The following GRIK1 variants were observed in gnomAD, a reference collection of about 807,000 sequenced individuals.
GRIK1 encodes glutamate receptor ionotropic, kainate 1.
A neutral mutation model predicts 105.7 loss-of-function variants in GRIK1; 69 were observed. The ratio of observed to expected loss-of-function variants is 0.65; its 90% CI spans 0.54 to 0.80. GRIK1 has a LOEUF of 0.80. Ranked by LOEUF, GRIK1 falls within the 30% of genes least tolerant of loss-of-function variation. GRIK1 has a pLI of 0.00. For missense variants in GRIK1, 1,109 were observed against 1,167.3 expected (o/e 0.95, Z 0.73); for synonymous variants, 438 against 431.3 (o/e 1.02, Z -0.19).
chr21:29,862,965 C>T (rs1266795955), intron 1 of GRIK1, among the ~76,000 whole-genome samples: 2 of 152,146 alleles, frequency 1.3e-5, no homozygotes, highest in African/African-American at 2.4e-5. Flanking sequence ...TGATGGACAA[C>T]TGTATAAAGA....
At chr21:29,616,579 T>C (rs1368379964) in intron 7 of GRIK1, among the ~76,000 whole-genome samples, 3 of 152,234 alleles carry the variant, frequency 2.0e-5, no homozygotes, top group Admixed American at 6.5e-5. Flanking sequence ...TCAAATACTT[T>C]TCAGCATTTA....
At chr21:29,924,194 C>T (rs528891629) in intron 1 of GRIK1, among the ~76,000 whole-genome samples, 1 of 151,796 alleles carries the variant, frequency 6.6e-6, no homozygotes, top group African/African-American at 2.4e-5. Flanking sequence ...AAAAATTAGC[C>T]AGGCGTGGTG....
At chr21:29,777,584 C>G (rs141672961) in intron 1 of GRIK1, among the ~76,000 whole-genome samples, 1 of 152,102 alleles carries the variant, frequency 6.6e-6, no homozygotes, top group African/African-American at 2.4e-5. Context: ...GTGTTTGGAG[C>G]ATAGAGTGTT....
At position 29,850,167 on chromosome 21, in the gene GRIK1, A is replaced by T. The variant is rs574710128; in HGVS notation, c.118+89216T>A. 7.2e-5 allele frequency among the ~76,000 whole-genome samples: 11 copies of T among 152,318 alleles called. No homozygotes were observed. In the East Asian group the frequency reaches 1.7e-3, roughly 24 times the overall value. ...TAACATTTGCTGACAGAAGATCCTT[A>T]AAAACTATCTCAAATATTTGTTATC... On this transcript the variant is annotated intron_variant, in intron 1 of 17. Coordinates refer to ENST00000327783, the MANE Select transcript of GRIK1 (RefSeq NM_001330994.2).
intron 16 of GRIK1, chr21:29,553,734 A>T: frequency 1.4e-6 from 2 of 1,450,306 alleles, no homozygotes; most frequent in Non-Finnish European, 1.9e-6. Flanking sequence ...AGAAAAAAAT[A>T]TAGAAAAATG....
intron 1 of GRIK1, among the ~76,000 whole-genome samples, chr21:29,811,652 G>A (rs949687179): frequency 1.3e-5 from 2 of 152,162 alleles, no homozygotes; most frequent in Admixed American, 1.3e-4. Context: ...TGTCATGCCA[G>A]TGCTGAACTG....
intron 1 of GRIK1, among the ~76,000 whole-genome samples, chr21:29,760,869 A>G (rs1023891735): frequency 2.0e-5 from 3 of 152,180 alleles, no homozygotes; most frequent in African/African-American, 7.2e-5. Context: ...CAAGATTCAA[A>G]TTTCTCTTAG....
At chr21:29,851,826 T>C (rs551040075) in intron 1 of GRIK1, among the ~76,000 whole-genome samples, 30 of 152,116 alleles carry the variant, frequency 2.0e-4, no homozygotes, top group Non-Finnish European at 4.0e-4. Context: ...AATCTTGATG[T>C]CACCCCTTGG....
intron 1 of GRIK1, among the ~76,000 whole-genome samples, chr21:29,856,483 A>G (rs1166497468): frequency 6.6e-6 from 1 of 152,200 alleles, no homozygotes; most frequent in African/African-American, 2.4e-5. Flanking sequence ...TACCTGTGAA[A>G]TAAAAAGCCA....
chr21:29,929,824 C>T (rs1340738764), intron 1 of GRIK1, among the ~76,000 whole-genome samples: 1 of 152,080 alleles, frequency 6.6e-6, no homozygotes, highest in Non-Finnish European at 1.5e-5. Flanking sequence ...AGGTATATAT[C>T]CAAGGGAATT....
At chr21:29,598,636 C>G (rs939533498) in intron 8 of GRIK1, among the ~76,000 whole-genome samples, 194 bp downstream of exon 8, 1 of 152,218 alleles carries the variant, frequency 6.6e-6, no homozygotes, top group Admixed American at 6.5e-5. Flanking sequence ...ACTGCTATTA[C>G]TAAGACATGA....
chr21:29,891,371 G>A (rs2069892252), intron 1 of GRIK1, among the ~76,000 whole-genome samples: 1 of 152,194 alleles, frequency 6.6e-6, no homozygotes, highest in African/African-American at 2.4e-5. Flanking sequence ...TATACCCTGT[G>A]TAGGAAGGCA....
At chr21:29,605,987 T>G (rs974351636) in intron 7 of GRIK1, among the ~76,000 whole-genome samples, 1 of 148,060 alleles carries the variant, frequency 6.8e-6, no homozygotes, top group Non-Finnish European at 1.5e-5. Context: ...TTCTATTTTT[T>G]AATAAAACTT....
At chr21:29,815,628 T>C (rs1161833591) in intron 1 of GRIK1, among the ~76,000 whole-genome samples, 1 of 152,136 alleles carries the variant, frequency 6.6e-6, no homozygotes, top group Non-Finnish European at 1.5e-5. Flanking sequence ...AATACTATTA[T>C]TAAAAGAGCT....
chr21:29,775,599 A>T (rs969829954), intron 1 of GRIK1, among the ~76,000 whole-genome samples: 1 of 152,152 alleles, frequency 6.6e-6, no homozygotes, highest in Non-Finnish European at 1.5e-5. Context: ...CAGAAAGGAA[A>T]AAAAGGGCAA....
intron 1 of GRIK1, among the ~76,000 whole-genome samples, chr21:29,721,741 G>A (rs1282252604): frequency 6.6e-6 from 1 of 152,186 alleles, no homozygotes; most frequent in Non-Finnish European, 1.5e-5. Context: ...ATCTCTGACT[G>A]CAGTGAGAAA....
intron 1 of GRIK1, among the ~76,000 whole-genome samples, chr21:29,847,992 CTTAA>C (rs1200456108): frequency 6.6e-6 from 1 of 151,756 alleles, no homozygotes; most frequent in African/African-American, 2.4e-5. Flanking sequence ...TTTACTTAGC[CTTAA>C]TTAACTAGTA....
At chr21:29,768,687 G>A (rs536627732) in intron 1 of GRIK1, among the ~76,000 whole-genome samples, 26 of 152,314 alleles carry the variant, frequency 1.7e-4, no homozygotes, top group African/African-American at 5.1e-4. Flanking sequence ...GGAGGAGCCC[G>A]GGGAGGAAGA....
intron 1 of GRIK1, among the ~76,000 whole-genome samples, chr21:29,762,657 T>C (rs941185020): frequency 7.3e-5 from 11 of 150,452 alleles, no homozygotes; most frequent in Admixed American, 6.6e-5. Context: ...TGGCAACTTC[T>C]GTCTGTGCAT....
Sources: allele counts gnomAD v4.1 joint callset (sites outside exome capture counted in the v4.1 genomes callset), GRCh38; gene constraint gnomAD v4.1.1; transcripts MANE v1.5; gene names NCBI Gene and HGNC (gene_info 2026-07-23, HGNC 2026-07-21).